The following RBBP8 variants were observed in gnomAD, a reference collection of about 807,000 sequenced individuals.
RBBP8 encodes the protein DNA endonuclease RBBP8.
A neutral mutation model predicts 108.3 loss-of-function variants in RBBP8; 88 were observed. The ratio of observed to expected loss-of-function variants is 0.81; its 90% CI spans 0.68 to 0.97. RBBP8 has a LOEUF of 0.97. RBBP8 is among the 50% of genes least tolerant of loss of function. The probability of loss-of-function intolerance (pLI) is 0.00; values close to 1 mark genes in which losing one functional copy is unlikely to be tolerated. For missense variants in RBBP8, 1,023 were observed against 1,049.0 expected, an observed-to-expected ratio of 0.98 and a Z score of 0.34; for synonymous variants, 332 against 348.2, an observed-to-expected ratio of 0.95 and a Z score of 0.52.
chr18:22,943,964 A>G (rs1392766658), intron 2 of RBBP8, among the ~76,000 whole-genome samples: 1 of 152,138 alleles, frequency 6.6e-6, no homozygotes. Context: ...TAATTGTAGC[A>G]CAGTGCTTGG....
intron 15 of RBBP8, among the ~76,000 whole-genome samples, chr18:23,003,508 A>T (rs994740213): frequency 1.3e-5 from 2 of 152,176 alleles, no homozygotes; most frequent in African/African-American, 4.8e-5. Flanking sequence ...AACTCCATGA[A>T]GACAGGAGAC....
At chr18:23,002,051 A>G in intron 15 of RBBP8, among the ~76,000 whole-genome samples, 1 of 152,330 alleles carries the variant, frequency 6.6e-6, no homozygotes, top group South Asian at 2.1e-4. Context: ...TAAAATTGAT[A>G]AAATTTTTGA....
chr18:22,917,812 A>C (rs1448236742), intron 3 of RBBP8, among the ~76,000 whole-genome samples: 1 of 152,062 alleles, frequency 6.6e-6, no homozygotes, highest in African/African-American at 2.4e-5. Flanking sequence ...AAGCCTGGCC[A>C]ATATGATGAA....
intron 16 of RBBP8, among the ~76,000 whole-genome samples, chr18:23,008,245 A>AT (rs1415639493): frequency 2.3e-5 from 2 of 87,078 alleles, no homozygotes; most frequent in Non-Finnish European, 2.9e-5. Context: ...AAAAATTGTT[A>AT]TTTTTTTCTT....
intron 13 of RBBP8, 23 bp from the exon 14 acceptor site, chr18:22,997,597 T>C (rs1234317805): frequency 7.1e-7 from 1 of 1,413,960 alleles, no homozygotes; most frequent in Non-Finnish European, 9.8e-7. Flanking sequence ...TTAAAATTTT[T>C]GATTTTTAAA....
chr18:22,972,329 C>T (rs1463568216), intron 5 of RBBP8, among the ~76,000 whole-genome samples: 6 of 125,332 alleles, frequency 4.8e-5, no homozygotes, highest in Admixed American at 1.7e-4. Context: ...ATTCCAGCCT[C>T]GGCGACAGAG....
chr18:22,923,627 T>C (rs1192169442), intron 3 of RBBP8, among the ~76,000 whole-genome samples: 1 of 152,210 alleles, frequency 6.6e-6, no homozygotes, highest in African/African-American at 2.4e-5. Flanking sequence ...CAGAATTTAA[T>C]CTCTCATCCT....
intron 3 of RBBP8, among the ~76,000 whole-genome samples, chr18:22,918,767 C>G (rs1354667976): frequency 6.6e-6 from 1 of 152,122 alleles, no homozygotes; most frequent in African/African-American, 2.4e-5. Flanking sequence ...TGCCGCTACA[C>G]CTGGATAATT....
intron 3 of RBBP8, among the ~76,000 whole-genome samples, chr18:22,922,853 A>AT (rs1319834350): frequency 2.6e-5 from 4 of 152,312 alleles, no homozygotes; most frequent in African/African-American, 4.8e-5. Context: ...GGGTTAGATG[A>AT]TTTTTTAAAT....
chr18:22,981,124 CCA>C (rs1914900204), intron 6 of RBBP8, among the ~76,000 whole-genome samples: 1 of 151,754 alleles, frequency 6.6e-6, no homozygotes, highest in South Asian at 2.1e-4. Flanking sequence ...GCACCTGCCA[CCA>C]CACCCAGCTA....
At chr18:22,936,187 C>T (rs1486135597) in intron 1 of RBBP8, among the ~76,000 whole-genome samples, 1 of 152,080 alleles carries the variant, frequency 6.6e-6, no homozygotes, top group Non-Finnish European at 1.5e-5. Context: ...CTGCAAATTC[C>T]GCCTCCCAGT....
rs539137601 is a variant in RBBP8, at chr18:22,949,089, A to G, written c.153-529A>G. On this transcript the variant is annotated intron_variant, in intron 3 of 18. Transcript: ENST00000327155. ...CTCAGACCTTTTGGAGTAGATATTA[A>G]TGTATCTACACTTGGTGAGGCACAG... 2.2e-4 allele frequency among the ~76,000 whole-genome samples: 33 copies of G among 152,244 alleles called. No individual in the cohort carries two copies. The South Asian group carries it at 6.2e-3, about 29-fold the overall frequency.
chr18:22,954,033 A>G (rs1017402060), intron 4 of RBBP8, among the ~76,000 whole-genome samples: 12 of 152,134 alleles, frequency 7.9e-5, no homozygotes, highest in Non-Finnish European at 2.9e-5. Context: ...AACCACCCCC[A>G]TGATTCAATT....
rs1241021021 is a variant in RBBP8 at position 23,010,172 on chromosome 18, T to C, written c.2357+3740T>C. Among the ~76,000 whole-genome samples, 3 of 152,192 alleles carry C rather than the reference T, an allele frequency of 2.0e-5. No homozygotes were observed. The East Asian group carries it at 5.8e-4, about 29-fold the overall frequency. On this transcript the variant is annotated intron_variant, in intron 16 of 18. Transcript: ENST00000327155. ...CATTATGTGACCCTACTGTAGTTTA[T>C]ACCCTAGCAGTGGACACTTGGGTTG...
chr18:22,958,182 CT>C (rs1213951486), intron 4 of RBBP8, among the ~76,000 whole-genome samples: 1 of 152,072 alleles, frequency 6.6e-6, no homozygotes, highest in African/African-American at 2.4e-5. Context: ...AGATTTCAGT[CT>C]TTTTTGTATT....
intron 4 of RBBP8, among the ~76,000 whole-genome samples, chr18:22,960,358 C>T (rs372910715): frequency 1.6e-4 from 25 of 152,242 alleles, no homozygotes; most frequent in Middle Eastern, 3.4e-3. Flanking sequence ...TGAGACCAGC[C>T]GGGGCAACGT....
At chr18:22,924,576 G>A (rs1250565327) in intron 3 of RBBP8, among the ~76,000 whole-genome samples, 3 of 152,020 alleles carry the variant, frequency 2.0e-5, no homozygotes, top group East Asian at 1.9e-4. Flanking sequence ...CATACACACC[G>A]TACCTGGCTA....
At chr18:23,000,920 G>A (rs1053965501) in intron 14 of RBBP8, among the ~76,000 whole-genome samples, 15 of 152,068 alleles carry the variant, frequency 9.9e-5, no homozygotes, top group African/African-American at 2.9e-4. Context: ...CATTACATAC[G>A]TTACAGTTTG....
chr18:23,009,456 T>G (rs1242216206), intron 16 of RBBP8, among the ~76,000 whole-genome samples: 1 of 151,224 alleles, frequency 6.6e-6, no homozygotes, highest in Non-Finnish European at 1.5e-5. Flanking sequence ...TTGCTTTTGA[T>G]TTTTTAGGAA....
Sources: gnomAD v4.1 joint callset for allele counts (sites outside exome capture counted in the v4.1 genomes callset) on GRCh38, gnomAD v4.1.1 for gene constraint, MANE v1.5 for transcripts, NCBI Gene and HGNC (gene_info 2026-07-23, HGNC 2026-07-21) for gene names.